The following ATG4D variants were observed in gnomAD, a reference collection of about 807,000 sequenced individuals.
The protein encoded by ATG4D is cysteine protease ATG4D.
ATG4D carries 51 observed loss-of-function variants against 55.2 expected under a neutral mutation model. The observed-to-expected ratio is 0.92, with a 90% CI of 0.74 to 1.17. The LOEUF (loss-of-function observed/expected upper bound fraction) is 1.17, where lower values mean the gene tolerates loss of function less well. ATG4D is among the 50% of genes most tolerant of loss of function. The probability of loss-of-function intolerance (pLI) is 0.00; values close to 1 mark genes in which losing one functional copy is unlikely to be tolerated. For synonymous variants in ATG4D, 268 were observed against 266.2 expected (o/e 1.01, Z -0.07); for missense variants, 635 against 649.6 (o/e 0.98, Z 0.25).
At position 10,553,305 on chromosome 19, in the gene ATG4D, C is replaced by G. The variant is rs1399727978; in HGVS notation, c.*238C>G. The G allele has an allele frequency of 5.8e-6, 3 of 521,538 alleles. No individual in the cohort carries two copies. The East Asian group carries it at 9.2e-5, about 16-fold the overall frequency. The allele number at this position is 521,538 out of a possible 1,614,324, so 32.3% of individuals were successfully genotyped here. On this transcript the variant is annotated 3_prime_UTR_variant, in exon 10 of 10. Transcript: ENST00000309469. The stretch of plus-strand genomic sequence containing the variant: ...GGGAAGGAGGACCCCGGGCACCCCC[C>G]TCAGGGCCTGACTCACGTACTGTAG...
In ATG4D at chr19:10,552,100, C is replaced by A; in HGVS notation, c.1101C>A (p.Ser367Arg). 1 of 1,611,644 alleles carries A rather than the reference C, an allele frequency of 6.2e-7. No homozygotes were observed. The highest frequency in any genetic ancestry group is 1.3e-5 in the African/African-American group (1 of 75,018). The change falls in exon 8 of 10, where the codon AGC (serine) becomes AGA (arginine). Residue 367 changes from serine (S) to arginine (R), a missense_variant. Transcript: ENST00000309469. ...ACTGCCAGCCCACTGTGGATGTCAGCCAGGCCGACTTCCCCCTGGAGGTGA... is the reference window on the plus strand; with the variant it reads ...ACTGCCAGCCCACTGTGGATGTCAGACAGGCCGACTTCCCCCTGGAGGTGA... ...PHYCQPTVDV[S>R]QADFPLESFH...
rs777895948 is a variant in ATG4D, at chr19:10,547,083, G to A, written c.738G>A (p.Trp246Ter). 1.9e-6 allele frequency: 3 copies of A among 1,598,226 alleles called. No individual in the cohort carries two copies. In the South Asian group the frequency reaches 3.4e-5, roughly 18 times the overall value. Residue 246 changes from tryptophan (W) to a stop codon, truncating the protein, a stop_gained, in exon 4 of 10, where the codon TGG (tryptophan) becomes TGA (stop). Transcript: ENST00000309469. LOFTEE classifies it high-confidence loss of function. ...GCTCAGGCAAGAAGGCAGGTGACTG[G>A]TATGGGCCATCGCTAGTGGCACACA... is the stretch of plus-strand genomic sequence containing the variant. ...GQSSGKKAGD[W>*]YGPSLVAHIL...
At chr19:10,550,704 G>A (rs1395710761) in intron 6 of ATG4D, among the ~76,000 whole-genome samples, 1 of 139,260 alleles carries the variant, frequency 7.2e-6, no homozygotes, top group Non-Finnish European at 1.5e-5. Context: ...AGTGATGCAT[G>A]TGGCTTTTTT....
chr19:10,551,040 T>A (rs927094283), intron 6 of ATG4D: 5 of 152,140 alleles, frequency 3.3e-5, no homozygotes, highest in African/African-American at 1.2e-4. Flanking sequence ...GTGGGGGGTT[T>A]TCCAGTGAGA....
At chr19:10,549,086 G>A in intron 6 of ATG4D, 52 bp downstream of exon 6, 1 of 1,604,602 alleles carries the variant, frequency 6.2e-7, no homozygotes. Flanking sequence ...CTCCAGACTT[G>A]TTTAGTTTGT....
In ATG4D at chr19:10,551,964, T is replaced by C. The variant is rs1916260859; in HGVS notation, c.1034T>C (p.Ile345Thr). ...GGKPRHSLYF[I>T]GYQDDFLLYL... is the part of the protein sequence containing the mutation. ...AAACCGCGACACTCACTGTACTTCATTGGCTACCAAGGTAGGCCCACCCCC... is the reference window on the plus strand; with the variant it reads ...AAACCGCGACACTCACTGTACTTCACTGGCTACCAAGGTAGGCCCACCCCC... Residue 345 changes from isoleucine to threonine, a missense_variant, in exon 7 of 10, where the codon ATT (isoleucine) becomes ACT (threonine). Physicochemically the swap from Ile to Thr is moderately conservative, Grantham distance 89. Transcript: ENST00000309469. 4 of 1,613,292 alleles carry C rather than the reference T, an allele frequency of 2.5e-6. No individual in the cohort carries two copies. The highest frequency in any genetic ancestry group is 2.5e-6 in the Non-Finnish European group (3 of 1,179,824).
In ATG4D at chr19:10,548,959, G is replaced by C. The variant is rs1449796115; in HGVS notation, c.891G>C (p.Trp297Cys). The change falls in exon 6 of 10, where the codon TGG (tryptophan) becomes TGC (cysteine). Residue 297 changes from tryptophan to cysteine, a missense_variant. Physicochemically the swap from Trp to Cys is radical, Grantham distance 215. Coordinates refer to ENST00000309469, the MANE Select transcript of ATG4D (RefSeq NM_032885.6). ...CCAGGCCAGACCCCACAGCCGAGTG[G>C]AAGTCTGTGGTCATCCTGGTGCCCG... is the stretch of plus-strand genomic sequence containing the variant. ...LVARPDPTAE[W>C]KSVVILVPVR... 1 of 1,614,000 alleles carries C rather than the reference G, an allele frequency of 6.2e-7. No individual in the cohort carries two copies. Among genetic ancestry groups the C allele is most frequent in the African/African-American group, 1.3e-5 (1 of 74,910 alleles).
At chr19:10,551,781 G>A (rs1379268069) in intron 6 of ATG4D, 116 bp from the exon 7 acceptor site, 6 of 872,280 alleles carry the variant, frequency 6.9e-6, no homozygotes, top group Middle Eastern at 3.0e-4. Flanking sequence ...GAGGGCAAGG[G>A]TTTTGTGGTC....
At chr19:10,547,760 G>T (rs1307247663) in intron 5 of ATG4D, among the ~76,000 whole-genome samples, 5 of 149,572 alleles carry the variant, frequency 3.3e-5, no homozygotes, top group Admixed American at 6.7e-5. Context: ...GCAGAGGCAC[G>T]ATCTCGGCTC....
rs201522260 is a variant in ATG4D, at chr19:10,553,079, G to A, written c.*12G>A. On this transcript the variant is annotated 3_prime_UTR_variant, in exon 10 of 10. Transcript: ENST00000309469. ...TTGTGTTTTTATAAAGGGAGGGGAT[G>A]AGGGGAAAGATACAACACTATTTAT... 6.3e-7 allele frequency: 1 copy of A among 1,589,416 alleles called. No homozygotes were observed. The highest frequency in any genetic ancestry group is 8.6e-7 in the Non-Finnish European group (1 of 1,169,396).
chr19:10,547,372 G>T, intron 5 of ATG4D, 119 bp downstream of exon 5: 1 of 1,229,126 alleles, frequency 8.1e-7, no homozygotes. Context: ...GAGGGACACT[G>T]GGGAAGGATG....
chr19:10,547,012 C>G lies in ATG4D; in HGVS notation c.667C>G (p.Pro223Ala). The change falls in exon 4 of 10, where the codon CCC becomes GCC. Residue 223 changes from proline (P) to alanine (A), a missense_variant. Physicochemically the swap from Pro to Ala is conservative, Grantham distance 27 (BLOSUM62 -1). Transcript: ENST00000309469. ...GATTGTGTCCTGGTTCGCCGACCAC[C>G]CCCGGGCCCCCTTTGGCCTACACCG... ...RQIVSWFADH[P>A]RAPFGLHRLV... 6.3e-7 allele frequency: 1 copy of G among 1,587,300 alleles called. No homozygotes were observed. Among genetic ancestry groups the G allele is most frequent in the Non-Finnish European group, 8.6e-7 (1 of 1,167,438 alleles).
chr19:10,550,225 C>T (rs2144694105), intron 6 of ATG4D, among the ~76,000 whole-genome samples: 2 of 152,140 alleles, frequency 1.3e-5, no homozygotes, highest in East Asian at 3.9e-4. Flanking sequence ...CCAGGCTGGT[C>T]TTGAACTCCC....
Position 10,552,136 on chromosome 19 carries a change from C to T in ATG4D, c.1122+15C>T. On this transcript the variant is annotated intron_variant, in intron 8 of 9. Coordinates refer to ENST00000309469, the MANE Select transcript of ATG4D (RefSeq NM_032885.6). ...TCCCCCTGGAGGTGAGTGGGAGCCC[C>T]AGTGTGTGGTTGGGGCCATGGCGGG... The T allele has an allele frequency of 6.2e-7, 1 of 1,612,014 alleles. No individual in the cohort carries two copies. The highest frequency in any genetic ancestry group is 8.5e-7 in the Non-Finnish European group (1 of 1,179,998).
chr19:10,545,562 A>G (rs188944873), intron 3 of ATG4D, among the ~76,000 whole-genome samples: 4 of 149,810 alleles, frequency 2.7e-5, no homozygotes, highest in Admixed American at 6.7e-5. Context: ...ACAGAGGGAG[A>G]CTCTGTGTCA....
chr19:10,547,290 C>A, intron 5 of ATG4D, 37 bp downstream of exon 5: 2 of 1,602,994 alleles, frequency 1.2e-6, no homozygotes, highest in Non-Finnish European at 1.7e-6. Flanking sequence ...GGGGCCCCAC[C>A]CTGAGCCAGA....
intron 6 of ATG4D, 64 bp from the exon 7 acceptor site, chr19:10,551,833 A>G: frequency 6.7e-7 from 1 of 1,500,416 alleles, no homozygotes; most frequent in Non-Finnish European, 9.2e-7. Context: ...CTCACAGAGG[A>G]GGTGTTTGCC....
At chr19:10,547,374 G>A in intron 5 of ATG4D, 121 bp downstream of exon 5, 2 of 1,230,500 alleles carry the variant, frequency 1.6e-6, no homozygotes, top group South Asian at 2.8e-5. Flanking sequence ...GGGACACTGG[G>A]GAAGGATGCA....
chr19:10,546,849 G>C lies in ATG4D; in HGVS notation c.504G>C (p.Trp168Cys). Residue 168 changes from tryptophan (W) to cysteine (C), a missense_variant, in exon 4 of 10, where the codon TGG becomes TGC. Physicochemically the swap from Trp to Cys is radical, Grantham distance 215. Transcript: ENST00000309469. ...GCTCCATTCCACCAGACTGGACATGGGCCGAGGGCATGGGCCTGGGCCCCC... is the reference window on the plus strand; with the variant it reads ...GCTCCATTCCACCAGACTGGACATGCGCCGAGGGCATGGGCCTGGGCCCCC... Reference protein sequence around the residue: ...LLHFLPRDWTWAEGMGLGPPE... With the variant: ...LLHFLPRDWTCAEGMGLGPPE... 6.3e-7 allele frequency: 1 copy of C among 1,587,972 alleles called. No individual in the cohort carries two copies. Among genetic ancestry groups the C allele is most frequent in the African/African-American group, 1.3e-5 (1 of 74,560 alleles).
Sources: allele counts gnomAD v4.1 joint callset (sites outside exome capture counted in the v4.1 genomes callset), GRCh38; gene constraint gnomAD v4.1.1; transcripts MANE v1.5; gene names NCBI Gene and HGNC (gene_info 2026-07-23, HGNC 2026-07-21).